The following AACS variants were observed in gnomAD, a reference collection of about 807,000 sequenced individuals.
AACS encodes acetoacetate-CoA ligase.
A neutral mutation model predicts 83.1 loss-of-function variants in AACS; 69 were observed. The observed-to-expected ratio is 0.83, with a 90% CI of 0.68 to 1.01. The LOEUF (loss-of-function observed/expected upper bound fraction) is 1.01, where lower values mean the gene tolerates loss of function less well. Among genes scored for constraint, AACS ranks in the 50% least tolerant of loss-of-function variants. The probability of loss-of-function intolerance (pLI) is 0.00; values close to 1 mark genes in which losing one functional copy is unlikely to be tolerated. For synonymous variants in AACS, 333 were observed against 343.4 expected, an observed-to-expected ratio of 0.97 and a Z score of 0.33; for missense variants, 866 against 882.2, an observed-to-expected ratio of 0.98 and a Z score of 0.23.
chr12:125,119,730 T>C (rs1189660838), intron 10 of AACS: 1 of 151,900 alleles, frequency 6.6e-6, no homozygotes, highest in African/African-American at 2.4e-5. Context: ...CAGTTAAAGA[T>C]GAGATTTGGG....
chr12:125,123,409 A>C (rs1430855694), intron 10 of AACS: 1 of 152,192 alleles, frequency 6.6e-6, no homozygotes, highest in African/African-American at 2.4e-5. Flanking sequence ...GGATGGTGGG[A>C]GGAGCTAGTC....
intron 17 of AACS, 59 bp downstream of exon 17, chr12:125,136,923 T>A (rs774113838): frequency 2.3e-5 from 35 of 1,555,198 alleles, no homozygotes; most frequent in Non-Finnish European, 2.9e-5. Context: ...GCCCACACAT[T>A]GAGGGGCGCT....
intron 17 of AACS, chr12:125,139,430 C>T (rs1489539679): frequency 6.6e-6 from 1 of 152,464 alleles, no homozygotes; most frequent in Non-Finnish European, 1.5e-5. Flanking sequence ...CCCCCTCTGC[C>T]CCTGAGGCAT....
intron 13 of AACS, 101 bp downstream of exon 13, chr12:125,128,375 A>G: frequency 3.8e-6 from 4 of 1,056,680 alleles, no homozygotes. Context: ...TCTCCAAAAC[A>G]GCCCTCGGAG....
At chr12:125,080,074 A>G (rs1439957935) in intron 3 of AACS, among the ~76,000 whole-genome samples, 1 of 152,212 alleles carries the variant, frequency 6.6e-6, no homozygotes, top group Non-Finnish European at 1.5e-5. Context: ...CAGTACAGGC[A>G]GACCACATTT....
intron 15 of AACS, 110 bp downstream of exon 15, chr12:125,134,182 C>G: frequency 8.7e-7 from 1 of 1,154,414 alleles, no homozygotes; most frequent in South Asian, 1.5e-5. Context: ...TCCTGGGCAC[C>G]TCACTCCACT....
intron 10 of AACS, chr12:125,122,860 C>G (rs1180397225): frequency 6.6e-6 from 1 of 152,188 alleles, no homozygotes; most frequent in Non-Finnish European, 1.5e-5. Context: ...CTGAGACTGT[C>G]TCATGCTTTG....
intron 7 of AACS, among the ~76,000 whole-genome samples, chr12:125,104,596 A>G (rs778200232): frequency 6.6e-6 from 1 of 152,094 alleles, no homozygotes; most frequent in Admixed American, 6.5e-5. Flanking sequence ...GCTTTGAGGT[A>G]TGAGCAGGGT....
intron 8 of AACS, among the ~76,000 whole-genome samples, chr12:125,109,938 G>A (rs975284346): frequency 6.6e-6 from 1 of 152,148 alleles, no homozygotes; most frequent in Non-Finnish European, 1.5e-5. Context: ...ATCTATCGGG[G>A]GGATACAACG....
intron 7 of AACS, among the ~76,000 whole-genome samples, chr12:125,104,826 A>C (rs1329100444): frequency 1.3e-5 from 2 of 152,206 alleles, no homozygotes; most frequent in Non-Finnish European, 2.9e-5. Context: ...TGCTATAAAG[A>C]AATACCTGAG....
At chr12:125,137,599 G>A (rs945757209) in intron 17 of AACS, among the ~76,000 whole-genome samples, 6 of 152,204 alleles carry the variant, frequency 3.9e-5, no homozygotes. Context: ...AGGCTGTGTC[G>A]TCATCCCCCA....
Position 125,134,666 on chromosome 12 carries a change from C to T in AACS, c.1620-128C>T, listed in dbSNP as rs561575240. 1.5e-4 allele frequency: 143 copies of T among 938,266 alleles called. 1 individual carries two copies. The Middle Eastern group carries it at 3.0e-3, about 20-fold the overall frequency. The allele number at this position is 938,266 out of a possible 1,614,324, so 58.1% of individuals were successfully genotyped here. A position where few individuals can be genotyped will look rare whatever the true frequency, so the allele number is the denominator to read the frequency against. On this transcript the variant is annotated intron_variant, in intron 15 of 17. Coordinates refer to ENST00000316519, the MANE Select transcript of AACS (RefSeq NM_023928.5). ...GGTGGTAGGGCAAGGAGCTGGGGAG[C>T]GGAGTGTCCGTGACTAGTCCTGGGG...
intron 8 of AACS, 134 bp from the exon 9 acceptor site, chr12:125,114,340 GCTT>G (rs775751012): frequency 1.4e-5 from 9 of 641,802 alleles, no homozygotes; most frequent in Non-Finnish European, 2.4e-5. Context: ...TCCAAAGTCT[GCTT>G]CTCCCAGGAA....
chr12:125,066,928 T>C (rs1219246211), intron 1 of AACS, among the ~76,000 whole-genome samples: 1 of 152,210 alleles, frequency 6.6e-6, no homozygotes, highest in Admixed American at 6.5e-5. Context: ...TCTCCTCCTT[T>C]GCAGCCCCTT....
chr12:125,107,684 G>C (rs1429869107), intron 8 of AACS, among the ~76,000 whole-genome samples: 1 of 152,350 alleles, frequency 6.6e-6, no homozygotes, highest in East Asian at 1.9e-4. Context: ...CGCAGTGCCA[G>C]ACGCAATGGC....
At chr12:125,137,345 C>T (rs1401695347) in intron 17 of AACS, among the ~76,000 whole-genome samples, 1 of 152,166 alleles carries the variant, frequency 6.6e-6, no homozygotes, top group African/African-American at 2.4e-5. Context: ...GCATGCCTGG[C>T]TAATTTTTGT....
At position 125,118,729 on chromosome 12, in the gene AACS, C is replaced by T. The variant is rs142101780; in HGVS notation, c.1085C>T (p.Thr362Met). Reference sequence around the variant, plus strand: ...TACGATGGCTCCCCCCTGGTGCCCACGCCCAATGTGCTCTGGGACCTGGTT... The same window carrying T: ...TACGATGGCTCCCCCCTGGTGCCCATGCCCAATGTGCTCTGGGACCTGGTT... ...VLYDGSPLVPTPNVLWDLVDR... is the reference protein window; with the variant it reads ...VLYDGSPLVPMPNVLWDLVDR... The change falls in exon 10 of 18, where the codon ACG becomes ATG. Residue 362 changes from threonine to methionine, a missense_variant. Transcript: ENST00000316519. 1.1e-5 allele frequency: 18 copies of T among 1,613,992 alleles called. No homozygotes were observed. Among genetic ancestry groups the T allele is most frequent in the Middle Eastern group, 1.6e-4 (1 of 6,082 alleles).
At chr12:125,080,292 C>T (rs1406690071) in intron 3 of AACS, among the ~76,000 whole-genome samples, 11 of 152,144 alleles carry the variant, frequency 7.2e-5, no homozygotes, top group Admixed American at 3.3e-4. Flanking sequence ...CCTGGTTTCT[C>T]CTGTAAAGTG....
In AACS at chr12:125,113,041, C is replaced by CGTCTGCCT. The variant is rs910560718; in HGVS notation, c.916-1426_916-1419dup. 6.6e-6 allele frequency among the ~76,000 whole-genome samples: 1 copy of CGTCTGCCT among 152,182 alleles called. No homozygotes were observed. The highest frequency in any genetic ancestry group is 1.5e-5 in the Non-Finnish European group (1 of 68,024). Reference sequence around the variant, plus strand: ...CTTGGAGCCAAACCATATCAGGCAGCGTCTGCCTGTCTGCCTGGCAGTCTC... The same window carrying CGTCTGCCT: ...CTTGGAGCCAAACCATATCAGGCAGCGTCTGCCTGTCTGCCTGTCTGCCTGGCAGTCTC... On this transcript the variant is annotated intron_variant, in intron 8 of 17. Transcript: ENST00000316519. This position sits in a 1 kb window ranked among gnomAD's most constrained non-coding sequence, Gnocchi z 4.8.
Sources: allele counts gnomAD v4.1 joint callset (sites outside exome capture counted in the v4.1 genomes callset), GRCh38; gene constraint gnomAD v4.1.1; non-coding constraint Gnocchi (gnomAD v3.1); transcripts MANE v1.5; gene names NCBI Gene and HGNC (gene_info 2026-07-23, HGNC 2026-07-21).